FNDC3A: variants seen among roughly 807,000 people sequenced by gnomAD.
FNDC3A encodes the protein fibronectin type-III domain-containing protein 3A.
Under a neutral mutation model 148.9 loss-of-function variants are expected in FNDC3A, and 32 were observed. The observed-to-expected ratio is 0.21, with a 90% CI of 0.16 to 0.29. FNDC3A has a LOEUF of 0.29. Among genes scored for constraint, FNDC3A ranks in the 10% least tolerant of loss-of-function variants. The pLI, the probability that FNDC3A is intolerant of heterozygous loss-of-function variation, is 1.00. For missense variants in FNDC3A, 1,191 were observed against 1,452.8 expected, an observed-to-expected ratio of 0.82 and a Z score of 2.93; for synonymous variants, 472 against 473.6, an observed-to-expected ratio of 1.00 and a Z score of 0.04.
intron 6 of FNDC3A, among the ~76,000 whole-genome samples, chr13:49,137,024 G>A (rs1039640248): frequency 2.0e-5 from 3 of 151,712 alleles, no homozygotes; most frequent in Admixed American, 6.6e-5. Flanking sequence ...ACAGGGTCTC[G>A]CTGTTTTGCC....
intron 4 of FNDC3A, among the ~76,000 whole-genome samples, chr13:49,125,695 C>G (rs1173991297): frequency 6.6e-6 from 1 of 152,064 alleles, no homozygotes; most frequent in Non-Finnish European, 1.5e-5. Flanking sequence ...AGAGCATCAA[C>G]CCATGTGCTA....
chr13:49,017,445 A>G (rs940418611), intron 2 of FNDC3A, among the ~76,000 whole-genome samples: 1 of 151,348 alleles, frequency 6.6e-6, no homozygotes, highest in African/African-American at 2.4e-5. Context: ...TTTGTTTTCC[A>G]TTTGCTTGGT....
intron 8 of FNDC3A, among the ~76,000 whole-genome samples, chr13:49,155,452 G>C (rs1229037832): frequency 6.9e-6 from 1 of 144,508 alleles, no homozygotes; most frequent in African/African-American, 2.6e-5. Flanking sequence ...CTATTTTGTT[G>C]ATCCTTTCAA....
intron 8 of FNDC3A, among the ~76,000 whole-genome samples, chr13:49,150,051 G>C (rs907352257): frequency 4.0e-5 from 6 of 151,596 alleles, no homozygotes; most frequent in Non-Finnish European, 8.8e-5. Context: ...GATTTTATTT[G>C]GGTCCCCTTT....
chr13:49,095,202 T>C (rs1310637442), intron 3 of FNDC3A, among the ~76,000 whole-genome samples: 1 of 152,020 alleles, frequency 6.6e-6, no homozygotes, highest in African/African-American at 2.4e-5. Flanking sequence ...ATGGTGTTTT[T>C]GGTGCAGATA....
At chr13:49,012,805 A>ATATGTGTGTGTGTGTG in intron 2 of FNDC3A, among the ~76,000 whole-genome samples, 1 of 134,618 alleles carries the variant, frequency 7.4e-6, no homozygotes, top group South Asian at 2.7e-4. Flanking sequence ...GCAATTATAA[A>ATATGTGTGTGTGTGTG]TGTGTGTGTG....
At chr13:49,128,548 A>G (rs1213223637) in intron 4 of FNDC3A, among the ~76,000 whole-genome samples, 1 of 152,084 alleles carries the variant, frequency 6.6e-6, no homozygotes, top group Non-Finnish European at 1.5e-5. Flanking sequence ...TCCAGACCCT[A>G]CCACATATCC....
intron 25 of FNDC3A, among the ~76,000 whole-genome samples, chr13:49,205,139 G>T (rs1167527236): frequency 1.3e-5 from 2 of 152,018 alleles, no homozygotes; most frequent in East Asian, 1.9e-4. Flanking sequence ...ACCTACAGTG[G>T]TCCCTTTTGA....
At chr13:49,106,569 C>T (rs1880186023) in intron 3 of FNDC3A, among the ~76,000 whole-genome samples, 1 of 152,172 alleles carries the variant, frequency 6.6e-6, no homozygotes, top group African/African-American at 2.4e-5. Flanking sequence ...CCTCAGCTTC[C>T]CAAAGTGCCG....
intron 2 of FNDC3A, among the ~76,000 whole-genome samples, chr13:49,046,969 T>G (rs1189551738): frequency 1.1e-4 from 16 of 152,130 alleles, no homozygotes. Flanking sequence ...CAGTGTACAC[T>G]GTACCCAATG....
chr13:49,143,492 A>G (rs187321742), intron 7 of FNDC3A, among the ~76,000 whole-genome samples: 15 of 152,294 alleles, frequency 9.8e-5, no homozygotes, highest in African/African-American at 3.4e-4. Flanking sequence ...TATAGTTAAA[A>G]GCTTAGTTAA....
At chr13:49,043,780 C>T (rs545096570) in intron 2 of FNDC3A, among the ~76,000 whole-genome samples, 2 of 152,080 alleles carry the variant, frequency 1.3e-5, no homozygotes, top group African/African-American at 2.4e-5. Flanking sequence ...TATTCCTTCA[C>T]ATTTTCTAAT....
intron 3 of FNDC3A, among the ~76,000 whole-genome samples, chr13:49,081,596 C>A (rs1334443152): frequency 6.6e-6 from 1 of 152,024 alleles, no homozygotes; most frequent in Non-Finnish European, 1.5e-5. Context: ...ATTATTAGGC[C>A]GTATCTTTTG....
chr13:49,088,262 A>G (rs1179829917), intron 3 of FNDC3A, among the ~76,000 whole-genome samples: 1 of 152,198 alleles, frequency 6.6e-6, no homozygotes, highest in Non-Finnish European at 1.5e-5. Context: ...GTTACATACA[A>G]TATACAGGGA....
intron 4 of FNDC3A, among the ~76,000 whole-genome samples, chr13:49,119,910 C>A (rs1881221699): frequency 1.3e-5 from 2 of 152,152 alleles, no homozygotes; most frequent in African/African-American, 4.8e-5. Context: ...AGTTGGAAAA[C>A]ACTCTTCAGG....
At chr13:49,013,478 GTATACATGTA>G (rs1231512696) in intron 2 of FNDC3A, among the ~76,000 whole-genome samples, 3 of 149,810 alleles carry the variant, frequency 2.0e-5, no homozygotes, top group South Asian at 2.1e-4. Flanking sequence ...ATGTACACGT[GTATACATGTA>G]TATACATGTA....
At chr13:49,151,300 T>A (rs542624800) in intron 8 of FNDC3A, among the ~76,000 whole-genome samples, 1 of 152,334 alleles carries the variant, frequency 6.6e-6, no homozygotes, top group South Asian at 2.1e-4. Context: ...AATTGTTATA[T>A]CCTCTTGCTG....
In FNDC3A at chr13:49,145,947, T is replaced by C; in HGVS notation, c.977+12T>C. 6.3e-7 allele frequency: 1 copy of C among 1,591,266 alleles called. No individual in the cohort carries two copies. The highest frequency in any genetic ancestry group is 8.6e-7 in the Non-Finnish European group (1 of 1,168,406). On this transcript the variant is annotated intron_variant, in intron 8 of 25. Coordinates refer to ENST00000492622, the MANE Select transcript of FNDC3A (RefSeq NM_001079673.2). ...AAAAGTGTATATGTGTAGGTATTTG[T>C]TGTTTTGCTTTCTCCCATTGTGTAA...
In FNDC3A at chr13:48,987,483, C is replaced by T. The variant is rs779683737; in HGVS notation, c.-40+11306C>T. On this transcript the variant is annotated intron_variant, in intron 1 of 25. Coordinates refer to ENST00000492622, the MANE Select transcript of FNDC3A (RefSeq NM_001079673.2). ...TAGTGGGAGAATGGGGGCTGTATCT[C>T]CTAAATGTCTAATTAAATTTAAATT... 5.9e-5 allele frequency among the ~76,000 whole-genome samples: 9 copies of T among 152,038 alleles called. No individual in the cohort carries two copies. In the South Asian group the frequency reaches 8.3e-4, roughly 14 times the overall value.
Sources: allele counts gnomAD v4.1 joint callset (sites outside exome capture counted in the v4.1 genomes callset), GRCh38; gene constraint gnomAD v4.1.1; transcripts MANE v1.5; gene names NCBI Gene and HGNC (gene_info 2026-07-23, HGNC 2026-07-21).